ANKRD17: variants seen among roughly 807,000 people sequenced by gnomAD.
ANKRD17 encodes the protein ankyrin repeat domain-containing protein 17.
In ANKRD17, 19 loss-of-function variants were observed where a neutral mutation model predicts 229.7. The ratio of observed to expected loss-of-function variants is 0.08; its 90% CI spans 0.06 to 0.12. The LOEUF (loss-of-function observed/expected upper bound fraction) is 0.12. Among genes scored for constraint, ANKRD17 ranks in the 10% least tolerant of loss-of-function variants. ANKRD17 has a pLI of 1.00. For missense variants in ANKRD17, 2,176 were observed against 3,176.8 expected, an observed-to-expected ratio of 0.68 and a Z score of 7.57; for synonymous variants, 1,112 against 1,146.1, an observed-to-expected ratio of 0.97 and a Z score of 0.60.
At chr4:73,193,584 A>C (rs1737426148) in intron 1 of ANKRD17, among the ~76,000 whole-genome samples, 1 of 152,172 alleles carries the variant, frequency 6.6e-6, no homozygotes, top group African/African-American at 2.4e-5. Flanking sequence ...GGTGTTGAAC[A>C]CCTTTATCTT....
chr4:73,114,038 AG>A, intron 23 of ANKRD17, 130 bp from the exon 24 acceptor site: 1 of 592,708 alleles, frequency 1.7e-6, no homozygotes, highest in Admixed American at 2.6e-5. Context: ...GGGGGAAAAA[AG>A]GTGTGCAAAT....
chr4:73,171,440 A>G (rs1478313476), intron 2 of ANKRD17, among the ~76,000 whole-genome samples: 2 of 152,192 alleles, frequency 1.3e-5, no homozygotes, highest in African/African-American at 4.8e-5. Context: ...CCTTCCAAAG[A>G]AGGACAGGTA....
intron 15 of ANKRD17, 104 bp from the exon 16 acceptor site, chr4:73,135,369 T>G: frequency 8.6e-7 from 1 of 1,163,640 alleles, no homozygotes; most frequent in Non-Finnish European, 1.2e-6. Context: ...ACAATATGTC[T>G]ACAGGAAGAC....
chr4:73,234,611 G>A (rs1235663690), intron 1 of ANKRD17, among the ~76,000 whole-genome samples: 3 of 152,204 alleles, frequency 2.0e-5, no homozygotes, highest in South Asian at 2.1e-4. Flanking sequence ...ACGCGTATAC[G>A]CAGGTACCCC....
chr4:73,225,044 C>T (rs1277347537), intron 1 of ANKRD17, among the ~76,000 whole-genome samples: 3 of 152,162 alleles, frequency 2.0e-5, no homozygotes, highest in African/African-American at 7.2e-5. Flanking sequence ...CTAGTGTTTA[C>T]ATTTAGGTAT....
intron 27 of ANKRD17, among the ~76,000 whole-genome samples, chr4:73,094,571 T>C (rs1723095211): frequency 6.6e-6 from 1 of 151,872 alleles, no homozygotes; most frequent in Non-Finnish European, 1.5e-5. Flanking sequence ...TGCCCACATA[T>C]ATTGACTATC....
chr4:73,077,338 C>A lies in ANKRD17; in HGVS notation c.7587+17G>T. 6.3e-7 allele frequency: 1 copy of A among 1,588,276 alleles called. No individual in the cohort carries two copies. On this transcript the variant is annotated intron_variant, in intron 32 of 33. Coordinates refer to ENST00000358602, the MANE Select transcript of ANKRD17 (RefSeq NM_032217.5). Reference sequence around the variant, plus strand: ...AAAATCCTCCCTTAAATAACTAGTACAAAATCAGGACTTTACCCCAACTTT... The same window carrying A: ...AAAATCCTCCCTTAAATAACTAGTAAAAAATCAGGACTTTACCCCAACTTT...
intron 1 of ANKRD17, among the ~76,000 whole-genome samples, chr4:73,199,094 G>C (rs943826895): frequency 6.6e-6 from 1 of 152,036 alleles, no homozygotes; most frequent in African/African-American, 2.4e-5. Context: ...TATACCTCAA[G>C]ATTATGAAGA....
chr4:73,191,339 A>ATATG (rs1553933195), intron 1 of ANKRD17, among the ~76,000 whole-genome samples: 1 of 60,848 alleles, frequency 1.6e-5, no homozygotes, highest in Non-Finnish European at 3.7e-5. Flanking sequence ...CAAAAAATAT[A>ATATG]TATGTGTGTG....
At chr4:73,126,045 C>T (rs1392393992) in intron 16 of ANKRD17, among the ~76,000 whole-genome samples, 1 of 152,154 alleles carries the variant, frequency 6.6e-6, no homozygotes, top group Non-Finnish European at 1.5e-5. Context: ...AACTTACTGC[C>T]TGGAGAGTTT....
chr4:73,214,196 T>C (rs753103495), intron 1 of ANKRD17, among the ~76,000 whole-genome samples: 6 of 152,194 alleles, frequency 3.9e-5, no homozygotes, highest in Non-Finnish European at 7.3e-5. Context: ...AAAATTGCTA[T>C]ATTGTAGTTA....
chr4:73,101,165 A>G, intron 25 of ANKRD17: 1 of 936,162 alleles, frequency 1.1e-6, no homozygotes, highest in African/African-American at 1.8e-5. Context: ...GGGTCCTGGA[A>G]ACCATCCCCT....
In ANKRD17 at chr4:73,097,037, G is replaced by A; in HGVS notation, c.5177+80C>T. 6 of 1,473,134 alleles carry A rather than the reference G, an allele frequency of 4.1e-6. 1 individual carries two copies. Among genetic ancestry groups the A allele is most frequent in the South Asian group, 2.7e-5 (2 of 74,470 alleles). 91.3% of individuals were successfully genotyped at this position (1,473,134 alleles called of 1,614,324 possible). The stretch of plus-strand genomic sequence containing the variant: ...TTTGTTTGCAACCTTTAGAAGAGTA[G>A]GAGGAATTTAATTATAAGGTAGATA... On this transcript the variant is annotated intron_variant, in intron 27 of 33. Transcript: ENST00000358602.
chr4:73,171,630 C>A (rs1364704919), intron 2 of ANKRD17, among the ~76,000 whole-genome samples: 2 of 152,032 alleles, frequency 1.3e-5, no homozygotes, highest in Admixed American at 1.3e-4. Context: ...AAAGAAAAAT[C>A]AAAACAGTAT....
intron 1 of ANKRD17, among the ~76,000 whole-genome samples, chr4:73,254,939 AG>A (rs1745331604): frequency 6.6e-6 from 1 of 152,218 alleles, no homozygotes; most frequent in South Asian, 2.1e-4. Context: ...CTAATTTGAA[AG>A]AGCATCATGG....
chr4:73,186,253 T>G (rs550971534), intron 1 of ANKRD17, among the ~76,000 whole-genome samples: 1 of 152,158 alleles, frequency 6.6e-6, no homozygotes, highest in Non-Finnish European at 1.5e-5. Context: ...ATATTTTTTC[T>G]ATACATACAA....
intron 1 of ANKRD17, among the ~76,000 whole-genome samples, chr4:73,253,310 G>A (rs1473058151): frequency 1.3e-5 from 2 of 152,126 alleles, no homozygotes; most frequent in East Asian, 3.8e-4. Context: ...TTAAATCAAG[G>A]TGACTTACAA....
intron 16 of ANKRD17, among the ~76,000 whole-genome samples, chr4:73,133,389 G>GTTTT (rs1232065955): frequency 4.9e-5 from 6 of 123,198 alleles, no homozygotes; most frequent in African/African-American, 1.5e-4. Flanking sequence ...AATGTCTCGT[G>GTTTT]TTTTTTTTTT....
rs981525398 is a variant in ANKRD17, at chr4:73,133,641, G to A, written c.3234+1476C>T. ...ACTCCTGACCTCAGGTGATCCGCCCGCCTCAGCCTCCCAAAGTGCTGGGAT... is the reference window on the plus strand; with the variant it reads ...ACTCCTGACCTCAGGTGATCCGCCCACCTCAGCCTCCCAAAGTGCTGGGAT... On this transcript the variant is annotated intron_variant, in intron 16 of 33. Coordinates refer to ENST00000358602, the MANE Select transcript of ANKRD17 (RefSeq NM_032217.5). 2.6e-4 allele frequency among the ~76,000 whole-genome samples: 39 copies of A among 151,910 alleles called. No homozygotes were observed. The East Asian group carries it at 6.4e-3, about 25-fold the overall frequency.
Sources: gnomAD v4.1 joint callset for allele counts (sites outside exome capture counted in the v4.1 genomes callset) on GRCh38, gnomAD v4.1.1 for gene constraint, MANE v1.5 for transcripts, NCBI Gene and HGNC (gene_info 2026-07-23, HGNC 2026-07-21) for gene names.